CPS1: variants seen among roughly 807,000 people sequenced by gnomAD.
The protein encoded by CPS1 is carbamoyl-phosphate synthase [ammonia], mitochondrial.
Under a neutral mutation model 174.6 loss-of-function variants are expected in CPS1, and 109 were observed. The ratio of observed to expected loss-of-function variants is 0.62; its 90% CI spans 0.53 to 0.73. The LOEUF (loss-of-function observed/expected upper bound fraction) is 0.73. CPS1 is among the 30% of genes least tolerant of loss of function. The pLI, the probability that CPS1 is intolerant of heterozygous loss-of-function variation, is 0.00. For synonymous variants in CPS1, 637 were observed against 632.0 expected (o/e 1.01, Z -0.12); for missense variants, 1,689 against 1,821.9 (o/e 0.93, Z 1.33).
chr2:210,497,893 C>CATACATATATATATAT (rs373767668), intron 1 of CPS1, among the ~76,000 whole-genome samples: 3 of 86,940 alleles, frequency 3.5e-5, no homozygotes, highest in Non-Finnish European at 6.9e-5. Flanking sequence ...TATATACATA[C>CATACATATATATATAT]ATATATATAT....
intron 18 of CPS1, among the ~76,000 whole-genome samples, chr2:210,607,509 A>C (rs1698960299): frequency 6.6e-6 from 1 of 151,946 alleles, no homozygotes; most frequent in South Asian, 2.1e-4. Flanking sequence ...GTTTCTAATA[A>C]TATATTTAGC....
intron 6 of CPS1, among the ~76,000 whole-genome samples, chr2:210,586,841 T>A (rs962610804): frequency 9.2e-5 from 14 of 152,086 alleles, no homozygotes; most frequent in African/African-American, 3.4e-4. Context: ...AGATTACATA[T>A]ATTTTGTGAG....
At chr2:210,628,511 G>GA (rs1699760201) in intron 21 of CPS1, among the ~76,000 whole-genome samples, 4 of 151,814 alleles carry the variant, frequency 2.6e-5, no homozygotes, top group Admixed American at 1.3e-4. Flanking sequence ...ATTTTTCTAG[G>GA]AAAAAAATAA....
rs1438539298 is a variant in CPS1, at chr2:210,486,158, A to ACACC, written c.3+8393_3+8394insACCC. Among the ~76,000 whole-genome samples the ACACC allele has an allele frequency of 1.1e-4, 12 of 112,004 alleles. No individual in the cohort carries two copies. The East Asian group carries it at 1.9e-3, about 18-fold the overall frequency. 73.5% of individuals were successfully genotyped at this position (112,004 alleles called of 152,430 possible). ...CACACACACACACACACACACACAC[A>ACACC]CCCTGTATATATATATATGGTAATG... On this transcript the variant is annotated intron_variant, in intron 1 of 38. Coordinates refer to the CPS1 transcript ENST00000430249.
At position 210,594,551 on chromosome 2, in the gene CPS1, C is replaced by T; in HGVS notation, c.1208C>T (p.Ala403Val). Residue 403 changes from alanine (A) to valine (V), a missense_variant, in exon 12 of 38, where the codon GCT becomes GTT. Physicochemically the swap from Ala to Val is moderately conservative, Grantham distance 64. Transcript: ENST00000233072. ...SFFSLIKKGK[A>V]TTITSVLPKP... is the part of the protein sequence containing the mutation. ...TTCTCACTGATAAAGAAAGGAAAAG[C>T]TACCACCATTACATCAGTCTTACCG... 6.2e-7 allele frequency: 1 copy of T among 1,611,296 alleles called. No homozygotes were observed. The highest frequency in any genetic ancestry group is 8.5e-7 in the Non-Finnish European group (1 of 1,178,280).
chr2:210,605,017 T>G, intron 16 of CPS1, 85 bp from the exon 17 acceptor site: 1 of 1,474,202 alleles, frequency 6.8e-7, no homozygotes, highest in Non-Finnish European at 9.4e-7. Context: ...CTGACCAGGA[T>G]TTATGCCAGG....
At chr2:210,615,946 A>G (rs1203195871) in intron 20 of CPS1, among the ~76,000 whole-genome samples, 2 of 152,048 alleles carry the variant, frequency 1.3e-5, no homozygotes, top group Admixed American at 1.3e-4. Context: ...CTCACTGACT[A>G]TTGTATGTTT....
At chr2:210,527,755 T>C (rs1310749992) in intron 1 of CPS1, among the ~76,000 whole-genome samples, 1 of 151,842 alleles carries the variant, frequency 6.6e-6, no homozygotes, top group Non-Finnish European at 1.5e-5. Context: ...AGTATGAACA[T>C]GATACTTCAT....
At chr2:210,544,855 C>T (rs754073592) in intron 1 of CPS1, among the ~76,000 whole-genome samples, 19 of 151,868 alleles carry the variant, frequency 1.3e-4, no homozygotes, top group East Asian at 5.8e-4. Context: ...TGAGGAAATA[C>T]GTTGACTTTG....
chr2:210,539,169 G>A (rs1324471723), intron 1 of CPS1, among the ~76,000 whole-genome samples: 2 of 152,266 alleles, frequency 1.3e-5, no homozygotes, highest in South Asian at 2.1e-4. Context: ...AATAACAACA[G>A]AATCTGCCTC....
At chr2:210,624,780 C>G (rs1026546803) in intron 21 of CPS1, among the ~76,000 whole-genome samples, 1 of 151,954 alleles carries the variant, frequency 6.6e-6, no homozygotes, top group Non-Finnish European at 1.5e-5. Context: ...CCGAGTCTGG[C>G]ATGGACAAGA....
chr2:210,608,441 C>G lies in CPS1; in HGVS notation c.2273C>G (p.Thr758Arg). The part of the protein sequence containing the change: ...PEIKNVVSGK[T>R]SACFEPSLDY... ...ATTAAGAACGTCGTATCCGGGAAGA[C>G]ATCAGCCTGTTTTGAACCTAGCCTG... Residue 758 changes from threonine to arginine, a missense_variant, in exon 19 of 38, where the codon ACA (threonine) becomes AGA (arginine). Physicochemically the swap from Thr to Arg is moderately conservative, Grantham distance 71. Transcript: ENST00000233072. The G allele has an allele frequency of 1.2e-6, 2 of 1,612,572 alleles. No individual in the cohort carries two copies. The highest frequency in any genetic ancestry group is 1.7e-6 in the Non-Finnish European group (2 of 1,179,016).
intron 1 of CPS1, among the ~76,000 whole-genome samples, chr2:210,497,955 T>C (rs1199525403): frequency 7.0e-6 from 1 of 143,584 alleles, no homozygotes; most frequent in Non-Finnish European, 1.5e-5. Context: ...CTGGGCTGAA[T>C]GGTAGTTCTG....
At chr2:210,611,027 G>T (rs1427489150) in intron 19 of CPS1, among the ~76,000 whole-genome samples, 3 of 151,528 alleles carry the variant, frequency 2.0e-5, no homozygotes, top group African/African-American at 4.8e-5. Flanking sequence ...CTGATTTCTG[G>T]CAGTCTTTTC....
chr2:210,580,383 T>A (rs1473352033), intron 5 of CPS1, among the ~76,000 whole-genome samples: 1 of 152,024 alleles, frequency 6.6e-6, no homozygotes. Context: ...ATCTGACCCC[T>A]CCTCTGAGAA....
chr2:210,671,735 T>C (rs1701311339), intron 34 of CPS1: 1 of 152,198 alleles, frequency 6.6e-6, no homozygotes, highest in South Asian at 2.1e-4. Context: ...GGTAGAGTGG[T>C]TTCCTGGCTG....
chr2:210,640,173 T>C (rs529655582), intron 24 of CPS1, 114 bp downstream of exon 24: 2 of 756,458 alleles, frequency 2.6e-6, no homozygotes, highest in South Asian at 3.5e-5. Flanking sequence ...TAATATATGT[T>C]TTGCAAATTA....
chr2:210,551,956 T>C (rs1696743619), upstream of CPS1, among the ~76,000 whole-genome samples: 1 of 152,012 alleles, frequency 6.6e-6, no homozygotes, highest in Non-Finnish European at 1.5e-5. Context: ...CTTGTCCTAG[T>C]TTCTGTGATA....
rs745537358 is a variant in CPS1, at chr2:210,612,322, C to T, written c.2568+29C>T. The T allele has an allele frequency of 1.9e-6, 3 of 1,609,928 alleles. No homozygotes were observed. In the East Asian group the frequency reaches 6.7e-5, roughly 36 times the overall value. On this transcript the variant is annotated intron_variant, in intron 20 of 37. Coordinates refer to ENST00000233072, the MANE Select transcript of CPS1 (RefSeq NM_001875.5). ...AGATGTTACAAGGGGCCCACAGCTA[C>T]TAGTTGCTTTTCCAGAATGTAGTCA...
Sources: gnomAD v4.1 joint callset for allele counts (sites outside exome capture counted in the v4.1 genomes callset) on GRCh38, gnomAD v4.1.1 for gene constraint, MANE v1.5 for transcripts, NCBI Gene and HGNC (gene_info 2026-07-23, HGNC 2026-07-21) for gene names.